Variants in STAB1 observed in about 807,000 individuals in gnomAD.
The protein encoded by STAB1 is stabilin-1.
A neutral mutation model predicts 332.4 loss-of-function variants in STAB1; 250 were observed. The ratio of observed to expected loss-of-function variants is 0.75; its 90% CI spans 0.68 to 0.84. The LOEUF is 0.84. STAB1 is among the 40% of genes least tolerant of loss of function. The pLI is 0.00. For synonymous variants in STAB1, 1,475 were observed against 1,390.4 expected (o/e 1.06, Z -1.35); for missense variants, 3,249 against 3,489.7 (o/e 0.93, Z 1.74).
At chr3:52,503,187 T>C in intron 7 of STAB1, 78 bp downstream of exon 7, 2 of 1,506,528 alleles carry the variant, frequency 1.3e-6, no homozygotes, top group Admixed American at 3.9e-5. Flanking sequence ...ACCCAGCAAG[T>C]GCAATGTAAT....
At position 52,521,682 on chromosome 3, in the gene STAB1, C is replaced by G. The variant is rs749427730; in HGVS notation, c.6145C>G (p.Arg2049Gly). 5.0e-6 allele frequency: 8 copies of G among 1,612,670 alleles called. No homozygotes were observed. The highest frequency in any genetic ancestry group is 2.5e-6 in the Non-Finnish European group (3 of 1,179,832). ...CFCDEGWTGP[R>G]CEVQLELQPV... ...CTGTGATGAAGGCTGGACTGGGCCACGCTGTGAGGTGCAACTGGGTGAGTA... is the reference window on the plus strand; with the variant it reads ...CTGTGATGAAGGCTGGACTGGGCCAGGCTGTGAGGTGCAACTGGGTGAGTA... Residue 2049 changes from arginine (R) to glycine (G), a missense_variant, in exon 57 of 69, where the codon CGC becomes GGC. Physicochemically the swap from Arg to Gly is moderately radical, Grantham distance 125 (BLOSUM62 -2). Transcript: ENST00000321725.
In STAB1 at chr3:52,517,039, C is replaced by A. The variant is rs979118404; in HGVS notation, c.4419C>A (p.Thr1473=). ...HGGCSPHANC[T]KVAPGQRTCT... is the part of the protein sequence containing the mutation. The stretch of plus-strand genomic sequence containing the variant: ...GCTGCTCCCCTCATGCCAACTGTAC[C>A]AAGGTGGCACCTGGGCAGCGGACAT... The change falls in exon 42 of 69, where the codon ACC becomes ACA. Residue 1473 remains threonine, a synonymous_variant. Coordinates refer to ENST00000321725, the MANE Select transcript of STAB1 (RefSeq NM_015136.3). 16 of 1,606,052 alleles carry A rather than the reference C, an allele frequency of 1.0e-5. No homozygotes were observed. The highest frequency in any genetic ancestry group is 1.3e-5 in the African/African-American group (1 of 74,808).
Position 52,520,442 on chromosome 3 carries a change from C to G in STAB1, c.5542C>G (p.Arg1848Gly). Residue 1848 changes from arginine to glycine, a missense_variant, in exon 53 of 69, where the codon CGG becomes GGG. By Grantham distance (125) the Arg-to-Gly change is moderately radical (BLOSUM62 -2). Transcript: ENST00000321725. The stretch of plus-strand genomic sequence containing the variant: ...TGAGGATGATGCTCGCATTGTGCAG[C>G]GGCACTTGCCCTTTGAGGGTGGCCT... ...VGEDDARIVQRHLPFEGGLAY... is the reference protein window; with the variant it reads ...VGEDDARIVQGHLPFEGGLAY... The G allele has an allele frequency of 1.2e-6, 2 of 1,612,748 alleles. No homozygotes were observed. The highest frequency in any genetic ancestry group is 1.7e-6 in the Non-Finnish European group (2 of 1,179,856).
Position 52,508,307 on chromosome 3 carries a change from A to T in STAB1, c.2183A>T (p.Asp728Val), listed in dbSNP as rs1709035892. 1 of 1,613,670 alleles carries T rather than the reference A, an allele frequency of 6.2e-7. No individual in the cohort carries two copies. Among genetic ancestry groups the T allele is most frequent in the Admixed American group, 1.7e-5 (1 of 59,990 alleles). The change falls in exon 21 of 69, where the codon GAC becomes GTC. Residue 728 changes from aspartate (D) to valine (V), a missense_variant. Coordinates refer to ENST00000321725, the MANE Select transcript of STAB1 (RefSeq NM_015136.3). ...QGCCKGFFGP[D>V]CTQCPGGFSN... is the part of the protein sequence containing the mutation. ...TGCTGCAAAGGTTTTTTCGGGCCTG[A>T]CTGCACGCAGTGTCCTGGGGGCTTC...
rs1268297005 is a variant in STAB1 at position 52,516,122 on chromosome 3, A to T, written c.4028A>T (p.His1343Leu). ...GGTCTAGGGGGGGTGTGCTCAGGCC[A>T]TGGGCAGTGCCAGGACAGGTTCCTG... ...PGGLGGVCSG[H>L]GQCQDRFLGS... Residue 1343 changes from histidine to leucine, a missense_variant, in exon 38 of 69, where the codon CAT becomes CTT. Physicochemically the swap from His to Leu is moderately conservative, Grantham distance 99. Coordinates refer to ENST00000321725, the MANE Select transcript of STAB1 (RefSeq NM_015136.3). 6.2e-7 allele frequency: 1 copy of T among 1,611,792 alleles called. No individual in the cohort carries two copies. The highest frequency in any genetic ancestry group is 8.5e-7 in the Non-Finnish European group (1 of 1,179,562).
chr3:52,505,650 TC>T lies in STAB1; in HGVS notation c.1582-15del, dbSNP rs1559680711. ...GGCTGGCCATGCAACCCCCTGAGCC[TC>T]CCTTGCACCACCACAGAACTGTGGG... On this transcript the variant is annotated splice_polypyrimidine_tract_variant and intron_variant, in intron 14 of 68. Transcript: ENST00000321725. 6.2e-7 allele frequency: 1 copy of T among 1,611,496 alleles called. No homozygotes were observed. Among genetic ancestry groups the T allele is most frequent in the East Asian group, 2.2e-5 (1 of 44,844 alleles).
Position 52,505,005 on chromosome 3 carries a change from A to G in STAB1, c.1380A>G (p.Lys460=), listed in dbSNP as rs1708740693. The change falls in exon 13 of 69, where the codon AAA becomes AAG. Residue 460 remains lysine, a splice_region_variant and synonymous_variant. Coordinates refer to ENST00000321725, the MANE Select transcript of STAB1 (RefSeq NM_015136.3). ...CCAGACCTCTTGTGTCTCACCAGAAATACTCCTACAAGTACAAAGACCAGC... is the reference window on the plus strand; with the variant it reads ...CCAGACCTCTTGTGTCTCACCAGAAGTACTCCTACAAGTACAAAGACCAGC... The part of the protein sequence containing the change: ...EITVTFNQFT[K]YSYKYKDQPQ... 1 of 1,613,700 alleles carries G rather than the reference A, an allele frequency of 6.2e-7. No individual in the cohort carries two copies. Among genetic ancestry groups the G allele is most frequent in the Non-Finnish European group, 8.5e-7 (1 of 1,179,968 alleles).
Position 52,516,031 on chromosome 3 carries a change from C to T in STAB1, c.3949-12C>T, listed in dbSNP as rs1289858963. The T allele has an allele frequency of 4.4e-6, 7 of 1,595,826 alleles. No individual in the cohort carries two copies. The highest frequency in any genetic ancestry group is 4.3e-6 in the Non-Finnish European group (5 of 1,171,594). ...GCCTCTCTCGCCCTCTCTCCCATCCCCACGCCGACAGGTGCCGGACTGCTG... is the reference window on the plus strand; with the variant it reads ...GCCTCTCTCGCCCTCTCTCCCATCCTCACGCCGACAGGTGCCGGACTGCTG... On this transcript the variant is annotated splice_polypyrimidine_tract_variant and intron_variant, in intron 37 of 68. Coordinates refer to ENST00000321725, the MANE Select transcript of STAB1 (RefSeq NM_015136.3).
At chr3:52,495,596 C>T (rs761474745) in intron 1 of STAB1, 105 bp downstream of exon 1, 55 of 1,043,626 alleles carry the variant, frequency 5.3e-5, no homozygotes, top group African/African-American at 2.1e-4. Context: ...GGGGAGAAAC[C>T]GCAGCTGGCG....
chr3:52,511,816 C>T (rs1243928219), intron 26 of STAB1, 71 bp downstream of exon 26: 2 of 1,226,238 alleles, frequency 1.6e-6, no homozygotes, highest in Non-Finnish European at 2.3e-6. Context: ...CTCTCTCCCT[C>T]CCTCCCCATC....
At chr3:52,521,977 G>C in intron 58 of STAB1, 26 bp downstream of exon 58, 1 of 1,606,846 alleles carries the variant, frequency 6.2e-7, no homozygotes. Context: ...GGGACATGGA[G>C]GTGGGAGGCC....
At chr3:52,515,119 A>C (rs1575343435) in intron 36 of STAB1, 74 bp downstream of exon 36, 1 of 1,548,652 alleles carries the variant, frequency 6.5e-7, no homozygotes, top group Non-Finnish European at 8.8e-7. Context: ...CAATCCCCTC[A>C]CCCTCCAGCC....
rs1334635269 is a variant in STAB1, at chr3:52,517,096, G to A, written c.4476G>A (p.Gly1492=). Residue 1492 remains glycine, a synonymous_variant, in exon 42 of 69, where the codon GGG becomes GGA. Transcript: ENST00000321725. ...CTCQDGYMGD[G]ELCQEINSCL... is the part of the protein sequence containing the mutation. Reference sequence around the variant, plus strand: ...GCCAGGATGGCTACATGGGCGACGGGGAGCTGTGCCAGGGTGAGACTAGGC... The same window carrying A: ...GCCAGGATGGCTACATGGGCGACGGAGAGCTGTGCCAGGGTGAGACTAGGC... 6.4e-7 allele frequency: 1 copy of A among 1,562,346 alleles called. No individual in the cohort carries two copies. The highest frequency in any genetic ancestry group is 8.7e-7 in the Non-Finnish European group (1 of 1,153,874).
intron 42 of STAB1, 24 bp downstream of exon 42, chr3:52,517,133 G>T: frequency 6.6e-7 from 1 of 1,521,922 alleles, no homozygotes; most frequent in Non-Finnish European, 8.8e-7. Flanking sequence ...CCTAACCTGG[G>T]TTTATGTTGG....
At chr3:52,502,502 C>A in intron 5 of STAB1, 130 bp from the exon 6 acceptor site, 1 of 885,770 alleles carries the variant, frequency 1.1e-6, no homozygotes, top group Non-Finnish European at 1.8e-6. Flanking sequence ...GGTCCCGCAT[C>A]ACAGCTCTGT....
intron 27 of STAB1, 32 bp from the exon 28 acceptor site, chr3:52,512,564 T>C: frequency 1.9e-6 from 3 of 1,613,854 alleles, no homozygotes; most frequent in Non-Finnish European, 2.5e-6. Context: ...TTGCCCCTGG[T>C]CCTGTGACCT....
chr3:52,515,989 C>T (rs1461787625), intron 37 of STAB1, 54 bp from the exon 38 acceptor site: 14 of 1,517,390 alleles, frequency 9.2e-6, no homozygotes, highest in South Asian at 2.6e-5. Context: ...TTCCCCTTCC[C>T]CCTGACACCT....
chr3:52,515,403 C>A lies in STAB1; in HGVS notation c.3865-20C>A. ...TGCCCAAGCCACTGGCTGACCCCTC[C>A]TGCCTGTCCCCGTTTCCAGGACACA... On this transcript the variant is annotated intron_variant, in intron 36 of 68. Coordinates refer to ENST00000321725, the MANE Select transcript of STAB1 (RefSeq NM_015136.3). 6.2e-7 allele frequency: 1 copy of A among 1,611,816 alleles called. No individual in the cohort carries two copies. Among genetic ancestry groups the A allele is most frequent in the South Asian group, 1.1e-5 (1 of 91,074 alleles).
intron 13 of STAB1, 48 bp from the exon 14 acceptor site, chr3:52,505,271 G>T: frequency 6.2e-7 from 1 of 1,611,228 alleles, no homozygotes. Flanking sequence ...CTGGGCTGAA[G>T]CAGCCTCACC....
Sources: gnomAD v4.1 joint callset for allele counts on GRCh38, gnomAD v4.1.1 for gene constraint, MANE v1.5 for transcripts, NCBI Gene and HGNC (gene_info 2026-07-23, HGNC 2026-07-21) for gene names.